The following AIDA variants were observed in gnomAD, a reference collection of about 807,000 sequenced individuals.
AIDA encodes axin interactor, dorsalization-associated protein.
Under a neutral mutation model 42.7 loss-of-function variants are expected in AIDA, and 18 were observed. The observed-to-expected ratio is 0.42, with a 90% confidence interval of 0.29 to 0.63. The LOEUF is 0.63. Among genes scored for constraint, AIDA ranks in the 20% least tolerant of loss-of-function variants. The pLI, the probability that AIDA is intolerant of heterozygous loss-of-function variation, is 0.19. For synonymous variants in AIDA, 104 were observed against 122.9 expected (o/e 0.85, Z 1.02); for missense variants, 250 against 354.1 (o/e 0.71, Z 2.36).
intron 1 of AIDA, chr1:222,711,714 G>A (rs1656049288): frequency 2.0e-5 from 3 of 153,440 alleles, no homozygotes; most frequent in Middle Eastern, 3.4e-3. Context: ...CCCCTCAATC[G>A]CAAACAGTTC....
intron 1 of AIDA, among the ~76,000 whole-genome samples, chr1:222,705,993 G>A (rs1488686973): frequency 6.6e-6 from 1 of 151,856 alleles, no homozygotes; most frequent in Non-Finnish European, 1.5e-5. Context: ...ATAAAAGACA[G>A]GAAACTCAAT....
rs528631240 is a variant in AIDA at position 222,698,499 on chromosome 1, T to C, written c.181-4236A>G. Among the ~76,000 whole-genome samples, 16 of 149,228 alleles carry C rather than the reference T, an allele frequency of 1.1e-4. No homozygotes were observed. The South Asian group carries it at 3.4e-3, about 32-fold the overall frequency. On this transcript the variant is annotated intron_variant, in intron 2 of 9. Coordinates refer to ENST00000340020, the MANE Select transcript of AIDA (RefSeq NM_022831.4). ...GCAGTTTCACTCTTGTTGCCCAGGC[T>C]CGGGTGCAGTGGTGTGATTTCGGCT...
At chr1:222,676,477 G>A (rs1299230696) in intron 6 of AIDA, among the ~76,000 whole-genome samples, 2 of 152,070 alleles carry the variant, frequency 1.3e-5, no homozygotes, top group South Asian at 2.1e-4. Context: ...GTCACTCCAG[G>A]AAGCCCAATT....
rs771618985 is a variant in AIDA, at chr1:222,712,202, A to C, written c.110+6T>G. ...GTCTGGCCTGCTCCCGCGGTTAGTC[A>C]CTCACATCTGATACTCGTCTATCGC... On this transcript the variant is annotated splice_donor_region_variant and intron_variant, in intron 1 of 9. Transcript: ENST00000340020. 6.3e-7 allele frequency: 1 copy of C among 1,598,622 alleles called. No homozygotes were observed. Among genetic ancestry groups the C allele is most frequent in the Non-Finnish European group, 8.5e-7 (1 of 1,171,960 alleles).
intron 1 of AIDA, 123 bp from the exon 2 acceptor site, chr1:222,703,340 T>G: frequency 1.6e-6 from 1 of 612,396 alleles, no homozygotes; most frequent in East Asian, 3.3e-5. Context: ...AATACAAATC[T>G]ACATTGAGAA....
At chr1:222,701,095 TG>T in intron 2 of AIDA, among the ~76,000 whole-genome samples, 2 of 151,656 alleles carry the variant, frequency 1.3e-5, no homozygotes, top group South Asian at 4.2e-4. Context: ...CCCAAGTAGC[TG>T]GAACTACAGG....
intron 1 of AIDA, among the ~76,000 whole-genome samples, chr1:222,706,185 A>G (rs1337963866): frequency 1.3e-5 from 2 of 152,206 alleles, no homozygotes; most frequent in Non-Finnish European, 2.9e-5. Flanking sequence ...AATGCTGGTG[A>G]TATGAAGAGA....
chr1:222,673,952 TG>T (rs1437290853), intron 7 of AIDA, among the ~76,000 whole-genome samples: 3 of 151,794 alleles, frequency 2.0e-5, no homozygotes, highest in African/African-American at 7.3e-5. Context: ...CCAGGCGTGG[TG>T]GTGCACACCT....
At chr1:222,671,786 A>T (rs1664453721) in intron 8 of AIDA, among the ~76,000 whole-genome samples, 1 of 152,206 alleles carries the variant, frequency 6.6e-6, no homozygotes, top group African/African-American at 2.4e-5. Flanking sequence ...CACAGCACTC[A>T]GAGGCATTTT....
At chr1:222,700,992 T>C (rs1655681384) in intron 2 of AIDA, among the ~76,000 whole-genome samples, 2 of 127,984 alleles carry the variant, frequency 1.6e-5, no homozygotes, top group African/African-American at 6.7e-5. Flanking sequence ...GGACAGGGTC[T>C]CACTGTGTCG....
Position 222,695,447 on chromosome 1 carries a change from A to G in AIDA, c.181-1184T>C, listed in dbSNP as rs2124962749. Among the ~76,000 whole-genome samples the G allele has an allele frequency of 1.3e-5, 2 of 152,264 alleles. 1 individual carries two copies. The highest frequency in any genetic ancestry group is 4.1e-4 in the South Asian group (2 of 4,820). On this transcript the variant is annotated intron_variant, in intron 2 of 9. Coordinates refer to ENST00000340020, the MANE Select transcript of AIDA (RefSeq NM_022831.4). ...GCGGAGGTTGCAGTGAGCTGAAATC[A>G]TGCCACTGCACTCCAGCCTGGGTAA... is the stretch of plus-strand genomic sequence containing the variant.
intron 2 of AIDA, among the ~76,000 whole-genome samples, chr1:222,697,551 A>C (rs1490724283): frequency 6.6e-6 from 1 of 151,672 alleles, no homozygotes; most frequent in African/African-American, 2.4e-5. Flanking sequence ...ACTCAAATTA[A>C]CTGCTCATAT....
intron 4 of AIDA, among the ~76,000 whole-genome samples, chr1:222,690,113 G>C (rs563885056): frequency 6.6e-6 from 1 of 152,144 alleles, no homozygotes; most frequent in Non-Finnish European, 1.5e-5. Context: ...ATCTAGGTTT[G>C]TGTAAGTGCA....
intron 7 of AIDA, among the ~76,000 whole-genome samples, chr1:222,674,278 G>C (rs1224764386): frequency 6.6e-6 from 1 of 152,094 alleles, no homozygotes; most frequent in Non-Finnish European, 1.5e-5. Context: ...GGGAGATTTC[G>C]CGGTGGGAAG....
intron 8 of AIDA, among the ~76,000 whole-genome samples, chr1:222,672,343 T>C (rs925800232): frequency 6.6e-6 from 1 of 152,176 alleles, no homozygotes; most frequent in African/African-American, 2.4e-5. Context: ...AACAAATCAA[T>C]AGTTTTGTTC....
At chr1:222,694,285 T>C in intron 2 of AIDA, 22 bp from the exon 3 acceptor site, 2 of 1,596,216 alleles carry the variant, frequency 1.3e-6, no homozygotes, top group Admixed American at 1.7e-5. Context: ...TAAAAAAAGC[T>C]ATAAATACCA....
chr1:222,687,142 C>T (rs1271824633), intron 5 of AIDA, 106 bp from the exon 6 acceptor site: 48 of 1,512,358 alleles, frequency 3.2e-5, no homozygotes, highest in Non-Finnish European at 4.2e-5. Flanking sequence ...TAAAAAAATG[C>T]TGATAGGCCG....
intron 1 of AIDA, among the ~76,000 whole-genome samples, chr1:222,709,881 A>C (rs1235462249): frequency 6.6e-6 from 1 of 152,194 alleles, no homozygotes; most frequent in Non-Finnish European, 1.5e-5. Flanking sequence ...TGAGTCATGA[A>C]ATTGTTTAAG....
intron 2 of AIDA, among the ~76,000 whole-genome samples, chr1:222,701,837 C>T (rs1288823109): frequency 6.6e-6 from 1 of 152,136 alleles, no homozygotes; most frequent in African/African-American, 2.4e-5. Flanking sequence ...GATTCTCTTG[C>T]CTCAGCCTCC....
Sources: allele counts gnomAD v4.1 joint callset (sites outside exome capture counted in the v4.1 genomes callset), GRCh38; gene constraint gnomAD v4.1.1; transcripts MANE v1.5; gene names NCBI Gene and HGNC (gene_info 2026-07-23, HGNC 2026-07-21).